Variants in COLGALT2 observed in about 807,000 individuals in gnomAD.
COLGALT2 encodes the protein collagen beta(1-O)galactosyltransferase 2.
In COLGALT2, 49 loss-of-function variants were observed where a neutral mutation model predicts 73.4. That is an observed-to-expected ratio of 0.67 (90% CI 0.53 to 0.85). COLGALT2 has a LOEUF of 0.85. Ranked by LOEUF, COLGALT2 falls within the 40% of genes least tolerant of loss-of-function variation. The probability of loss-of-function intolerance (pLI) is 0.00; values close to 1 mark genes in which losing one functional copy is unlikely to be tolerated. For missense variants in COLGALT2, 722 were observed against 790.2 expected (o/e 0.91, Z 1.03); for synonymous variants, 295 against 307.6 (o/e 0.96, Z 0.43).
At chr1:184,018,202 C>T (rs1403794884) in intron 1 of COLGALT2, among the ~76,000 whole-genome samples, 2 of 151,922 alleles carry the variant, frequency 1.3e-5, no homozygotes, top group Admixed American at 6.6e-5. Context: ...ACCAAAAGCT[C>T]GAGGCTGCAG....
At chr1:183,990,055 G>A (rs1005890031) in intron 1 of COLGALT2, among the ~76,000 whole-genome samples, 1 of 152,126 alleles carries the variant, frequency 6.6e-6, no homozygotes, top group Non-Finnish European at 1.5e-5. Flanking sequence ...AATTACCACA[G>A]CCTACCATTT....
chr1:183,989,546 T>C (rs1200942811), intron 1 of COLGALT2, among the ~76,000 whole-genome samples: 1 of 152,158 alleles, frequency 6.6e-6, no homozygotes, highest in African/African-American at 2.4e-5. Context: ...GTCTCTTGGA[T>C]TGAGGACTGG....
intron 1 of COLGALT2, among the ~76,000 whole-genome samples, chr1:184,020,339 T>G (rs1649136726): frequency 6.6e-6 from 1 of 152,202 alleles, no homozygotes; most frequent in Non-Finnish European, 1.5e-5. Flanking sequence ...TTAAATGGAT[T>G]GGTAAGAATT....
Position 183,951,024 on chromosome 1 carries a change from G to A in COLGALT2, c.1119C>T (p.Val373=), listed in dbSNP as rs775464061. ...CAACTCACTTTCCATCCACAGCCTC[G>A]ACAATCTTGACCTCAATCTCCTGTT... ...LYEQEIEVKI[V]EAVDGKALNT... The change falls in exon 8 of 12, where the codon GTC becomes GTT. Residue 373 remains valine (V), a synonymous_variant. Transcript: ENST00000361927. 1.1e-5 allele frequency: 17 copies of A among 1,612,918 alleles called. No homozygotes were observed. Among genetic ancestry groups the A allele is most frequent in the East Asian group, 2.2e-5 (1 of 44,886 alleles).
chr1:183,953,732 T>C (rs1339210199), intron 7 of COLGALT2, among the ~76,000 whole-genome samples: 1 of 152,286 alleles, frequency 6.6e-6, no homozygotes, highest in East Asian at 1.9e-4. Context: ...AATACCATAG[T>C]AGCTGTTAAC....
intron 1 of COLGALT2, among the ~76,000 whole-genome samples, chr1:184,035,869 G>T (rs777879384): frequency 2.6e-5 from 4 of 152,182 alleles, no homozygotes; most frequent in Non-Finnish European, 5.9e-5. Flanking sequence ...GTCACGTATG[G>T]CAGGGTATAT....
At chr1:184,008,939 G>C (rs916053408) in intron 1 of COLGALT2, among the ~76,000 whole-genome samples, 1 of 151,908 alleles carries the variant, frequency 6.6e-6, no homozygotes, top group Admixed American at 6.6e-5. Flanking sequence ...ACAAAATGTT[G>C]GTATATGAGA....
At chr1:183,978,203 A>C (rs1382367688) in intron 2 of COLGALT2, among the ~76,000 whole-genome samples, 1 of 152,248 alleles carries the variant, frequency 6.6e-6, no homozygotes, top group Non-Finnish European at 1.5e-5. Context: ...GAAAATCTGA[A>C]CTTGGCTGGC....
intron 1 of COLGALT2, among the ~76,000 whole-genome samples, chr1:183,997,415 A>G (rs1035523469): frequency 6.6e-6 from 1 of 152,152 alleles, no homozygotes; most frequent in Non-Finnish European, 1.5e-5. Context: ...TTCTCGGCCA[A>G]TAATCTCTAG....
intron 8 of COLGALT2, chr1:183,946,576 A>G (rs1358313813): frequency 6.6e-6 from 1 of 152,258 alleles, no homozygotes; most frequent in Non-Finnish European, 1.5e-5. Flanking sequence ...GGCAGCCTTT[A>G]GATTAAAAGA....
At chr1:183,955,923 T>C (rs1222343423) in intron 6 of COLGALT2, among the ~76,000 whole-genome samples, 10 of 152,180 alleles carry the variant, frequency 6.6e-5, no homozygotes, top group Admixed American at 3.9e-4. Flanking sequence ...GGAAAGTTTA[T>C]AGTGTGGTGC....
chr1:183,933,112 A>C (rs1669880466), downstream of COLGALT2, among the ~76,000 whole-genome samples: 1 of 152,124 alleles, frequency 6.6e-6, no homozygotes, highest in Non-Finnish European at 1.5e-5. Context: ...TGCAGACTTA[A>C]AAGGATAAAA....
downstream of COLGALT2, among the ~76,000 whole-genome samples, chr1:183,932,593 C>T (rs1016098077): frequency 2.0e-5 from 3 of 152,178 alleles, no homozygotes; most frequent in African/African-American, 7.2e-5. Flanking sequence ...GAGACTGACT[C>T]ACGGAGCTGG....
intron 1 of COLGALT2, among the ~76,000 whole-genome samples, chr1:183,989,618 C>A (rs1181333919): frequency 3.3e-5 from 5 of 152,226 alleles, no homozygotes; most frequent in Admixed American, 3.3e-4. Context: ...TCATTCCTTT[C>A]TGGAAACAAC....
chr1:183,941,386 G>C (rs889866866), intron 10 of COLGALT2, among the ~76,000 whole-genome samples: 2 of 152,188 alleles, frequency 1.3e-5, no homozygotes, highest in African/African-American at 2.4e-5. Context: ...CTGTGGCCAG[G>C]CTTCCTCCCA....
At chr1:183,932,285 C>A (rs542146487), downstream of COLGALT2, among the ~76,000 whole-genome samples, 4 of 152,168 alleles carry the variant, frequency 2.6e-5, no homozygotes, top group Non-Finnish European at 5.9e-5. Context: ...TCCCTTAGCT[C>A]TTTGCCTTAT....
chr1:184,026,001 T>C (rs569946952), intron 1 of COLGALT2, among the ~76,000 whole-genome samples: 3 of 152,212 alleles, frequency 2.0e-5, no homozygotes, highest in Non-Finnish European at 4.4e-5. Flanking sequence ...ATACGTCAAT[T>C]GCCCTGGATC....
Position 183,938,611 on chromosome 1 carries a change from A to C in COLGALT2, c.*150T>G, listed in dbSNP as rs895441051. ...TTCCTTCCATGGTCAAAAATATGTT[A>C]ATTTCGATCTATCACACTAGATCAC... On this transcript the variant is annotated 3_prime_UTR_variant, in exon 12 of 12. Coordinates refer to ENST00000361927, the MANE Select transcript of COLGALT2 (RefSeq NM_015101.4). 1.4e-6 allele frequency: 2 copies of C among 1,430,822 alleles called. No individual in the cohort carries two copies. Among genetic ancestry groups the C allele is most frequent in the Non-Finnish European group, 9.2e-7 (1 of 1,090,494 alleles). 88.6% of individuals were successfully genotyped at this position (1,430,822 alleles called of 1,614,324 possible). A position where few individuals can be genotyped will look rare whatever the true frequency, so the allele number is the denominator to read the frequency against.
chr1:183,960,189 G>A (rs1174498682), intron 6 of COLGALT2, among the ~76,000 whole-genome samples: 1 of 146,548 alleles, frequency 6.8e-6, no homozygotes, highest in Admixed American at 6.8e-5. Context: ...TTTAGCTGAA[G>A]AAGAATTCAA....
Sources: allele counts gnomAD v4.1 joint callset (sites outside exome capture counted in the v4.1 genomes callset), GRCh38; gene constraint gnomAD v4.1.1; transcripts MANE v1.5; gene names NCBI Gene and HGNC (gene_info 2026-07-23, HGNC 2026-07-21).